Variants in PIP4K2A observed in about 807,000 individuals in gnomAD.
The protein encoded by PIP4K2A is phosphatidylinositol-5-phosphate 4-kinase type 2 alpha, also known as phosphatidylinositol 5-phosphate 4-kinase type-2 alpha.
In PIP4K2A, 14 loss-of-function variants were observed where a neutral mutation model predicts 42.9. The observed-to-expected ratio is 0.33, with a 90% confidence interval of 0.22 to 0.51. PIP4K2A has a LOEUF of 0.51. Ranked by LOEUF, PIP4K2A falls within the 20% of genes least tolerant of loss-of-function variation. The probability of loss-of-function intolerance (pLI) is 0.97; values close to 1 mark genes in which losing one functional copy is unlikely to be tolerated. For synonymous variants in PIP4K2A, 192 were observed against 192.2 expected (o/e 1.00, Z 0.01); for missense variants, 434 against 519.8 (o/e 0.83, Z 1.61).
rs781040929 is a variant in PIP4K2A, at chr10:22,714,369, G to T, written c.-43C>A. 1.4e-6 allele frequency: 2 copies of T among 1,473,246 alleles called. No individual in the cohort carries two copies. The highest frequency in any genetic ancestry group is 1.3e-5 in the South Asian group (1 of 78,486). The allele number at this position is 1,473,246 out of a possible 1,614,324, so 91.3% of individuals were successfully genotyped here. A position where few individuals can be genotyped will look rare whatever the true frequency, so the allele number is the denominator to read the frequency against. Reference sequence around the variant, plus strand: ...CCTCCACCGCCGTGCTCCCGAGGCCGGGGACCCGCCCTCTCTACACCCCGG... The same window carrying T: ...CCTCCACCGCCGTGCTCCCGAGGCCTGGGACCCGCCCTCTCTACACCCCGG... On this transcript the variant is annotated 5_prime_UTR_variant, in exon 1 of 10. Transcript: ENST00000376573.
chr10:22,714,266 T>G lies in PIP4K2A; in HGVS notation c.61A>C (p.Lys21Gln). ...TTCACTTTCTGCGCTACGAAGTGCT[T>G]CTTCTTGGTCTTGGTCTTGCTCGCC... ...VLASKTKTKKKHFVAQKVKLF... is the reference protein window; with the variant it reads ...VLASKTKTKKQHFVAQKVKLF... The change falls in exon 1 of 10, where the codon AAG becomes CAG. Residue 21 changes from lysine (K) to glutamine (Q), a missense_variant. Transcript: ENST00000376573. 6.2e-7 allele frequency: 1 copy of G among 1,612,412 alleles called. No homozygotes were observed. The highest frequency in any genetic ancestry group is 8.5e-7 in the Non-Finnish European group (1 of 1,179,126).
At chr10:22,642,392 G>C (rs1024489952) in intron 1 of PIP4K2A, among the ~76,000 whole-genome samples, 3 of 152,000 alleles carry the variant, frequency 2.0e-5, no homozygotes, top group Non-Finnish European at 2.9e-5. Context: ...AAGAATACTA[G>C]GATAGGCTGG....
At chr10:22,631,381 C>G in intron 1 of PIP4K2A, among the ~76,000 whole-genome samples, 1 of 151,988 alleles carries the variant, frequency 6.6e-6, no homozygotes, top group Admixed American at 6.6e-5. Context: ...GTACAGACAC[C>G]AAAGAGCTCA....
rs771574624 is a variant in PIP4K2A at position 22,611,039 on chromosome 10, GATTAT to G, written c.145-1327_145-1323del. Among the ~76,000 whole-genome samples the G allele has an allele frequency of 8.9e-4, 136 of 152,250 alleles. 1 individual carries two copies. Among genetic ancestry groups the G allele is most frequent in the Non-Finnish European group, 1.4e-3 (97 of 68,018 alleles). On this transcript the variant is annotated intron_variant, in intron 1 of 9. Transcript: ENST00000376573. ...CAGAAATAGAAGATGAACAAAAGAT[GATTAT>G]ATTTGAAAAAATAATGATTCAGAAT... is the stretch of plus-strand genomic sequence containing the variant.
intron 1 of PIP4K2A, among the ~76,000 whole-genome samples, chr10:22,627,116 A>C (rs905849360): frequency 2.0e-5 from 3 of 152,240 alleles, no homozygotes; most frequent in Non-Finnish European, 4.4e-5. Flanking sequence ...AATAAACCAG[A>C]GAATTAGACG....
At chr10:22,651,733 GACT>G (rs1554805800) in intron 1 of PIP4K2A, among the ~76,000 whole-genome samples, 4 of 152,228 alleles carry the variant, frequency 2.6e-5, no homozygotes, top group Non-Finnish European at 5.9e-5. Flanking sequence ...GCAAGGCCAC[GACT>G]ACTGAGGTCT....
chr10:22,608,955 G>A (rs1214268944), intron 2 of PIP4K2A, among the ~76,000 whole-genome samples: 1 of 152,108 alleles, frequency 6.6e-6, no homozygotes, highest in East Asian at 1.9e-4. Flanking sequence ...TTCCCTCTTT[G>A]TGTTCCCACA....
At chr10:22,548,369 T>C (rs888383915) in intron 7 of PIP4K2A, among the ~76,000 whole-genome samples, 4 of 152,252 alleles carry the variant, frequency 2.6e-5, no homozygotes, top group South Asian at 2.1e-4. Flanking sequence ...AGGATCCTTC[T>C]GTAATTCAAC....
At chr10:22,551,206 G>A (rs1836403474) in intron 6 of PIP4K2A, among the ~76,000 whole-genome samples, 1 of 152,000 alleles carries the variant, frequency 6.6e-6, no homozygotes, top group Admixed American at 6.5e-5. Context: ...GCCGTTGCTG[G>A]GCTCACATTG....
intron 7 of PIP4K2A, among the ~76,000 whole-genome samples, chr10:22,546,020 G>A (rs536993892): frequency 1.8e-4 from 28 of 152,110 alleles, no homozygotes; most frequent in Non-Finnish European, 2.2e-4. Context: ...AGGTAGAAAT[G>A]GGAAAAACCA....
At chr10:22,638,689 A>G (rs1249443640) in intron 1 of PIP4K2A, among the ~76,000 whole-genome samples, 1 of 152,044 alleles carries the variant, frequency 6.6e-6, no homozygotes, top group Non-Finnish European at 1.5e-5. Flanking sequence ...CCACTTTTCT[A>G]TTGTTATTGT....
At chr10:22,641,295 T>G (rs1838778594) in intron 1 of PIP4K2A, among the ~76,000 whole-genome samples, 1 of 152,138 alleles carries the variant, frequency 6.6e-6, no homozygotes, top group Non-Finnish European at 1.5e-5. Context: ...CAGAACAGGG[T>G]CCTGGCTTAA....
chr10:22,605,285 A>C (rs1326234678), intron 3 of PIP4K2A, among the ~76,000 whole-genome samples: 2 of 151,896 alleles, frequency 1.3e-5, no homozygotes, highest in Non-Finnish European at 2.9e-5. Flanking sequence ...GATTAATCAC[A>C]CTCACACCAC....
At chr10:22,583,344 G>A (rs1012264065) in intron 4 of PIP4K2A, among the ~76,000 whole-genome samples, 6 of 152,166 alleles carry the variant, frequency 3.9e-5, no homozygotes, top group African/African-American at 1.2e-4. Flanking sequence ...TTCCAGAATG[G>A]CCCCTGTACC....
At chr10:22,597,624 A>C (rs1338025023) in intron 3 of PIP4K2A, among the ~76,000 whole-genome samples, 1 of 151,746 alleles carries the variant, frequency 6.6e-6, no homozygotes, top group Non-Finnish European at 1.5e-5. Context: ...TTCTATATGC[A>C]CTCTCTATAC....
At chr10:22,615,862 G>C (rs1261811625) in intron 1 of PIP4K2A, among the ~76,000 whole-genome samples, 1 of 152,122 alleles carries the variant, frequency 6.6e-6, no homozygotes, top group Non-Finnish European at 1.5e-5. Flanking sequence ...TAAAACAAGT[G>C]TATTAGAAAT....
intron 7 of PIP4K2A, among the ~76,000 whole-genome samples, chr10:22,547,342 G>C (rs923586072): frequency 1.3e-5 from 2 of 152,198 alleles, no homozygotes; most frequent in Non-Finnish European, 2.9e-5. Flanking sequence ...GTTTATGTCA[G>C]AGTAGTTAAG....
intron 1 of PIP4K2A, among the ~76,000 whole-genome samples, chr10:22,637,376 A>G (rs1838688676): frequency 6.6e-6 from 1 of 152,246 alleles, no homozygotes; most frequent in South Asian, 2.1e-4. Context: ...CTGAAGCCAA[A>G]TAAGTGACTT....
intron 1 of PIP4K2A, among the ~76,000 whole-genome samples, chr10:22,610,527 A>T (rs148808983): frequency 6.6e-6 from 1 of 151,640 alleles, no homozygotes; most frequent in Non-Finnish European, 1.5e-5. Context: ...AAGGATTCTC[A>T]GTTACAAAAA....
Sources: allele counts gnomAD v4.1 joint callset (sites outside exome capture counted in the v4.1 genomes callset), GRCh38; gene constraint gnomAD v4.1.1; transcripts MANE v1.5; gene names NCBI Gene and HGNC (gene_info 2026-07-23, HGNC 2026-07-21).